PACS2: variants seen among roughly 807,000 people sequenced by gnomAD.
The protein encoded by PACS2 is PACS1-like protein.
A neutral mutation model predicts 113.0 loss-of-function variants in PACS2; 36 were observed. The observed-to-expected ratio is 0.32, with a 90% CI of 0.24 to 0.42. The LOEUF (loss-of-function observed/expected upper bound fraction) is 0.42. Among genes scored for constraint, PACS2 ranks in the 10% least tolerant of loss-of-function variants. The pLI is 1.00. For synonymous variants in PACS2, 589 were observed against 536.1 expected, an observed-to-expected ratio of 1.10 and a Z score of -1.36; for missense variants, 1,015 against 1,239.5, an observed-to-expected ratio of 0.82 and a Z score of 2.72.
At chr14:105,375,481 C>CAAAAAAA (rs34549878) in intron 8 of PACS2, among the ~76,000 whole-genome samples, 1 of 51,400 alleles carries the variant, frequency 1.9e-5, no homozygotes, top group African/African-American at 6.0e-5. Flanking sequence ...GACTCCATCT[C>CAAAAAAA]AAAAAAAAAA....
chr14:105,322,958 G>A (rs1483275208), intron 1 of PACS2, among the ~76,000 whole-genome samples: 1 of 152,176 alleles, frequency 6.6e-6, no homozygotes. Flanking sequence ...GTACGATGCT[G>A]GGGTGGTGTG....
rs1250349315 is a variant in PACS2 at position 105,366,315 on chromosome 14, A to G, written c.424-898A>G. 4.6e-5 allele frequency among the ~76,000 whole-genome samples: 7 copies of G among 152,214 alleles called. No homozygotes were observed. The highest frequency in any genetic ancestry group is 1.7e-4 in the African/African-American group (7 of 41,454). On this transcript the variant is annotated intron_variant, in intron 4 of 24. Coordinates refer to ENST00000447393, the MANE Select transcript of PACS2 (RefSeq NM_001100913.3). This position sits in a 1 kb window ranked among gnomAD's most constrained non-coding sequence, Gnocchi z 4.3. ...GTGAGCCAAGATCGCACCATTGCAC[A>G]CCAGCCTGGGCCACAGAATGAGACT...
At chr14:105,386,555 G>A (rs1315827393) in intron 19 of PACS2, among the ~76,000 whole-genome samples, 1 of 152,180 alleles carries the variant, frequency 6.6e-6, no homozygotes, top group African/African-American at 2.4e-5. Context: ...TTGGCCAGGT[G>A]TGTCCTGCTG....
Position 105,391,752 on chromosome 14 carries a change from C to T in PACS2, c.2241C>T (p.Gly747=), listed in dbSNP as rs1389619917. The change falls in exon 22 of 25, where the codon GGC becomes GGT. Residue 747 remains glycine (G), a synonymous_variant. Transcript: ENST00000447393. ...CCTCCTCCCCGTCGGTGAGCGGAGGCCTGTCCTCCCCCAGGTAAAGGTGCC... is the reference window on the plus strand; with the variant it reads ...CCTCCTCCCCGTCGGTGAGCGGAGGTCTGTCCTCCCCCAGGTAAAGGTGCC... ...TPPSSPSVSG[G]LSSPSQGVGA... is the part of the protein sequence containing the mutation. 2.5e-6 allele frequency: 4 copies of T among 1,593,410 alleles called. No homozygotes were observed. The highest frequency in any genetic ancestry group is 3.4e-6 in the Non-Finnish European group (4 of 1,171,228).
In PACS2 at chr14:105,385,671, G is replaced by A; in HGVS notation, c.2001-14G>A. 1.3e-6 allele frequency: 2 copies of A among 1,518,378 alleles called. No homozygotes were observed. Among genetic ancestry groups the A allele is most frequent in the Admixed American group, 2.0e-5 (1 of 49,836 alleles). The allele number at this position is 1,518,378 out of a possible 1,614,324, so 94.1% of individuals were successfully genotyped here. On this transcript the variant is annotated splice_polypyrimidine_tract_variant and intron_variant, in intron 18 of 24. Coordinates refer to ENST00000447393, the MANE Select transcript of PACS2 (RefSeq NM_001100913.3). Reference sequence around the variant, plus strand: ...TAACGTGTCTGTTTTCTCTTTTGGTGGCTTTCTGAAAAGGAAAAAGCATTT... The same window carrying A: ...TAACGTGTCTGTTTTCTCTTTTGGTAGCTTTCTGAAAAGGAAAAAGCATTT...
chr14:105,390,888 G>A lies in PACS2; in HGVS notation c.2077-319G>A, dbSNP rs139145899. ...GCCAGGTCCGGGGCCTATCCCCGTC[G>A]GCCCGCCAAGGTCCCTCTCACCAGC... On this transcript the variant is annotated intron_variant, in intron 20 of 24. Transcript: ENST00000447393. The A allele has an allele frequency of 2.5e-3, 1,049 of 417,778 alleles. 8 individuals carry two copies. Among genetic ancestry groups the A allele is most frequent in the African/African-American group, 0.019 (967 of 49,768 alleles). The allele number at this position is 417,778 out of a possible 1,614,324, so 25.9% of individuals were successfully genotyped here. A position where few individuals can be genotyped will look rare whatever the true frequency, so the allele number is the denominator to read the frequency against.
intron 1 of PACS2, among the ~76,000 whole-genome samples, chr14:105,338,035 C>T (rs1399826302): frequency 6.6e-6 from 1 of 152,228 alleles, no homozygotes; most frequent in Non-Finnish European, 1.5e-5. Flanking sequence ...TCTCTGGCCT[C>T]CTCACCCATG....
chr14:105,304,684 C>T (rs193031545), intron 1 of PACS2, among the ~76,000 whole-genome samples: 2 of 152,290 alleles, frequency 1.3e-5, no homozygotes, highest in East Asian at 3.9e-4. Flanking sequence ...GGGCGATTAA[C>T]AAACAAAAGA....
In PACS2 at chr14:105,387,438, T is replaced by C. The variant is rs587646268; in HGVS notation, c.2033+1721T>C. 9.8e-5 allele frequency among the ~76,000 whole-genome samples: 15 copies of C among 152,320 alleles called. No individual in the cohort carries two copies. In the East Asian group the frequency reaches 2.9e-3, roughly 29 times the overall value. ...GCATCCGGCAGCTTGCCCAGGGCCA[T>C]GCGGAGTGGCCCCCAAGGCATCTGT... is the stretch of plus-strand genomic sequence containing the variant. On this transcript the variant is annotated intron_variant, in intron 19 of 24. Coordinates refer to ENST00000447393, the MANE Select transcript of PACS2 (RefSeq NM_001100913.3).
In PACS2 at chr14:105,348,654, C is replaced by T. The variant is rs187663915; in HGVS notation, c.207+74C>T. 81 of 1,097,372 alleles carry T rather than the reference C, an allele frequency of 7.4e-5. No individual in the cohort carries two copies. Among genetic ancestry groups the T allele is most frequent in the Middle Eastern group, 2.0e-4 (1 of 4,996 alleles). 68.0% of individuals were successfully genotyped at this position (1,097,372 alleles called of 1,614,324 possible). On this transcript the variant is annotated intron_variant, in intron 2 of 24. Coordinates refer to ENST00000447393, the MANE Select transcript of PACS2 (RefSeq NM_001100913.3). The surrounding 1 kb of genome is among the most constrained non-coding windows in gnomAD (Gnocchi z 6.4). ...CCATGTGCCTGGGAGACGAGTCAGG[C>T]GGTGCGCTACTGTGGGGCCTTGTGC...
chr14:105,384,421 G>A lies in PACS2; in HGVS notation c.1849G>A (p.Ala617Thr). 6.2e-7 allele frequency: 1 copy of A among 1,612,326 alleles called. No homozygotes were observed. The highest frequency in any genetic ancestry group is 1.1e-5 in the South Asian group (1 of 91,058). The change falls in exon 17 of 25, where the codon GCC (alanine) becomes ACC (threonine). Residue 617 changes from alanine (A) to threonine (T), a missense_variant. By Grantham distance (58) the Ala-to-Thr change is moderately conservative. Coordinates refer to ENST00000447393, the MANE Select transcript of PACS2 (RefSeq NM_001100913.3). Reference protein sequence around the residue: ...YRYNNFFQDLAWRDLFNKLEA... With the variant: ...YRYNNFFQDLTWRDLFNKLEA... ...CTACAACAACTTCTTCCAGGACCTGGCCTGGAGAGACCTGTTCAACAAGCT... is the reference window on the plus strand; with the variant it reads ...CTACAACAACTTCTTCCAGGACCTGACCTGGAGAGACCTGTTCAACAAGCT...
intron 9 of PACS2, among the ~76,000 whole-genome samples, chr14:105,379,191 G>C (rs1281451559): frequency 6.6e-6 from 1 of 152,214 alleles, no homozygotes; most frequent in Non-Finnish European, 1.5e-5. Flanking sequence ...TGGGTGGTCC[G>C]GAAAGGCCTG....
intron 1 of PACS2, among the ~76,000 whole-genome samples, chr14:105,337,429 G>A (rs1298234404): frequency 3.3e-5 from 5 of 152,222 alleles, no homozygotes; most frequent in African/African-American, 1.2e-4. Flanking sequence ...TGGTTCAAAC[G>A]GCAAGTTTTA....
chr14:105,308,631 A>G (rs2058261176), intron 1 of PACS2, among the ~76,000 whole-genome samples: 1 of 151,554 alleles, frequency 6.6e-6, no homozygotes, highest in Non-Finnish European at 1.5e-5. Context: ...TACAGGTATG[A>G]GCCACTGTGC....
chr14:105,369,320 T>C (rs2061064960), intron 7 of PACS2, among the ~76,000 whole-genome samples: 1 of 151,950 alleles, frequency 6.6e-6, no homozygotes, highest in African/African-American at 2.4e-5. Context: ...CCAACTGTTG[T>C]GAAGGGAGGG....
At chr14:105,394,348 G>A in intron 24 of PACS2, 2 of 985,334 alleles carry the variant, frequency 2.0e-6, no homozygotes, top group East Asian at 1.1e-4. Context: ...GAGTGTGGAG[G>A]GCAGGGGCAG....
intron 19 of PACS2, 118 bp from the exon 20 acceptor site, chr14:105,389,843 C>T (rs2081297342): frequency 1.1e-6 from 1 of 896,136 alleles, no homozygotes; most frequent in Non-Finnish European, 1.9e-6. Context: ...CCGGCAGGGC[C>T]ATCCGGCAGG....
rs1365372002 is a variant in PACS2, at chr14:105,377,729, C to G, written c.959+804C>G. On this transcript the variant is annotated intron_variant, in intron 9 of 24. Coordinates refer to ENST00000447393, the MANE Select transcript of PACS2 (RefSeq NM_001100913.3). ...GGCCTGGCAGCCCCAGCCCAACTTG[C>G]TGCTCCTTCAGTTGCCAGCAGCCAC... Among the ~76,000 whole-genome samples, 7 of 152,398 alleles carry G rather than the reference C, an allele frequency of 4.6e-5. No individual in the cohort carries two copies. The East Asian group carries it at 1.3e-3, about 29-fold the overall frequency.
Position 105,355,886 on chromosome 14 carries a change from C to A in PACS2, c.423+709C>A, listed in dbSNP as rs2060424601. Among the ~76,000 whole-genome samples, 1 of 152,202 alleles carries A rather than the reference C, an allele frequency of 6.6e-6. No individual in the cohort carries two copies. Among genetic ancestry groups the A allele is most frequent in the Non-Finnish European group, 1.5e-5 (1 of 68,026 alleles). ...GCAAGATTGGCTCTGGGAGAAGGGG[C>A]AGCCCAGGGCCCCAGACCAGTTTGT... is the stretch of plus-strand genomic sequence containing the variant. On this transcript the variant is annotated intron_variant, in intron 4 of 24. Transcript: ENST00000447393. This position sits in a 1 kb window ranked among gnomAD's most constrained non-coding sequence, Gnocchi z 4.1.
Sources: gnomAD v4.1 joint callset for allele counts (sites outside exome capture counted in the v4.1 genomes callset) on GRCh38, gnomAD v4.1.1 for gene constraint, Gnocchi (gnomAD v3.1) non-coding constraint, MANE v1.5 for transcripts, NCBI Gene and HGNC (gene_info 2026-07-23, HGNC 2026-07-21) for gene names.